Variants in DLGAP4 observed in about 807,000 individuals in gnomAD.
DLGAP4 encodes the protein disks large-associated protein 4.
A neutral mutation model predicts 86.9 loss-of-function variants in DLGAP4; 18 were observed. The ratio of observed to expected loss-of-function variants is 0.21; its 90% confidence interval spans 0.14 to 0.31. The LOEUF is 0.31. DLGAP4 is among the 10% of genes least tolerant of loss of function. The pLI, the probability that DLGAP4 is intolerant of heterozygous loss-of-function variation, is 1.00. For missense variants in DLGAP4, 1,085 were observed against 1,362.6 expected, an observed-to-expected ratio of 0.80 and a Z score of 3.21; for synonymous variants, 548 against 574.3, an observed-to-expected ratio of 0.95 and a Z score of 0.65.
intron 1 of DLGAP4, among the ~76,000 whole-genome samples, chr20:36,366,291 C>T (rs528375666): frequency 2.5e-4 from 38 of 152,058 alleles, no homozygotes; most frequent in Non-Finnish European, 4.1e-4. Context: ...AAACTCCTGA[C>T]CTGAAGTGAT....
intron 8 of DLGAP4, chr20:36,499,354 A>AACCC: frequency 1.9e-6 from 2 of 1,072,072 alleles, no homozygotes; most frequent in Non-Finnish European, 2.4e-6. Flanking sequence ...ACCCCATCCC[A>AACCC]CCTCCCGCCC....
intron 2 of DLGAP4, among the ~76,000 whole-genome samples, chr20:36,369,365 G>T (rs2030830248): frequency 6.6e-6 from 1 of 152,204 alleles, no homozygotes; most frequent in Non-Finnish European, 1.5e-5. Flanking sequence ...GGCCGAGGCA[G>T]GCGGATCATC....
At chr20:36,331,512 C>A (rs1344299091) in intron 1 of DLGAP4, among the ~76,000 whole-genome samples, 2 of 152,294 alleles carry the variant, frequency 1.3e-5, no homozygotes, top group African/African-American at 4.8e-5. Flanking sequence ...GCTGCTGGCC[C>A]CCTGCCGACC....
At chr20:36,325,354 T>G (rs2065205948) in intron 1 of DLGAP4, among the ~76,000 whole-genome samples, 1 of 152,208 alleles carries the variant, frequency 6.6e-6, no homozygotes, top group East Asian at 1.9e-4. Flanking sequence ...TAAAATGTAT[T>G]GAGACTTGTT....
chr20:36,501,240 A>G (rs1365012566), intron 10 of DLGAP4, among the ~76,000 whole-genome samples: 2 of 151,692 alleles, frequency 1.3e-5, no homozygotes, highest in African/African-American at 4.8e-5. Context: ...TGATTTTTGT[A>G]TTTTTAGTAG....
At chr20:36,376,809 C>T (rs2031173531) in intron 2 of DLGAP4, among the ~76,000 whole-genome samples, 1 of 152,174 alleles carries the variant, frequency 6.6e-6, no homozygotes, top group Non-Finnish European at 1.5e-5. Context: ...TGTGGAGCCT[C>T]AGTTTTCTCC....
chr20:36,518,326 C>T (rs1236355734), intron 10 of DLGAP4, among the ~76,000 whole-genome samples: 1 of 151,686 alleles, frequency 6.6e-6, no homozygotes, highest in Non-Finnish European at 1.5e-5. Context: ...TTACTCATTC[C>T]TAATCTTTAT....
chr20:36,460,697 G>A (rs890792287), intron 7 of DLGAP4, among the ~76,000 whole-genome samples: 1 of 152,234 alleles, frequency 6.6e-6, no homozygotes, highest in East Asian at 1.9e-4. Context: ...GTGAGGAGAG[G>A]GGACTCGCGG....
At chr20:36,454,637 A>G (rs142565337) in intron 7 of DLGAP4, among the ~76,000 whole-genome samples, 110 of 152,282 alleles carry the variant, frequency 7.2e-4, no homozygotes, top group African/African-American at 2.6e-3. Context: ...AGGAGTGAGC[A>G]ATCGGGTCCT....
rs1555889654 is a variant in DLGAP4 at position 36,308,214 on chromosome 20, TG to T, written c.-304+1705del. ...AGCTGGGACAGCGCAACTCAACTTC[TG>T]GGAGTGTGCCCGTGTGTGGTGTCCA... is the stretch of plus-strand genomic sequence containing the variant. On this transcript the variant is annotated intron_variant, in intron 1 of 12. Transcript: ENST00000339266. The surrounding 1 kb of genome is among the most constrained non-coding windows in gnomAD (Gnocchi z 4.5). Among the ~76,000 whole-genome samples, 1 of 152,176 alleles carries T rather than the reference TG, an allele frequency of 6.6e-6. No homozygotes were observed. The highest frequency in any genetic ancestry group is 1.5e-5 in the Non-Finnish European group (1 of 68,034).
intron 1 of DLGAP4, among the ~76,000 whole-genome samples, chr20:36,356,909 C>T (rs2147397039): frequency 6.6e-6 from 1 of 152,260 alleles, no homozygotes; most frequent in East Asian, 1.9e-4. Flanking sequence ...CACATCAAAC[C>T]AGCCCCAAAT....
chr20:36,448,203 C>T (rs1027803608), intron 7 of DLGAP4, among the ~76,000 whole-genome samples: 7 of 151,762 alleles, frequency 4.6e-5, no homozygotes, highest in South Asian at 2.1e-4. Flanking sequence ...ATTAAAAATT[C>T]GCTGGTCGGG....
intron 7 of DLGAP4, among the ~76,000 whole-genome samples, chr20:36,450,309 C>T (rs140810699): frequency 5.5e-4 from 84 of 152,156 alleles, no homozygotes; most frequent in African/African-American, 2.0e-3. Context: ...ACCAGCCTGG[C>T]CAACATGGCG....
At chr20:36,486,301 C>T (rs1387822713) in intron 7 of DLGAP4, among the ~76,000 whole-genome samples, 5 of 152,122 alleles carry the variant, frequency 3.3e-5, no homozygotes, top group African/African-American at 1.2e-4. Flanking sequence ...ATGACCAGTG[C>T]TTGAATGAAA....
intron 1 of DLGAP4, among the ~76,000 whole-genome samples, chr20:36,320,926 C>T (rs1212168163): frequency 6.6e-6 from 1 of 152,240 alleles, no homozygotes; most frequent in African/African-American, 2.4e-5. Flanking sequence ...CTCCTGTACC[C>T]CTTCCAGGAC....
At chr20:36,456,359 G>C (rs560329713) in intron 7 of DLGAP4, among the ~76,000 whole-genome samples, 2 of 152,248 alleles carry the variant, frequency 1.3e-5, no homozygotes, top group Non-Finnish European at 2.9e-5. Context: ...TACAAGCATG[G>C]GTAATGAAGG....
intron 2 of DLGAP4, among the ~76,000 whole-genome samples, chr20:36,403,452 C>T (rs142065425): frequency 6.6e-6 from 1 of 152,130 alleles, no homozygotes; most frequent in Non-Finnish European, 1.5e-5. Context: ...AATGCAATCC[C>T]TGCATGGCCA....
rs142490774 is a variant in DLGAP4, at chr20:36,451,496, G to A, written c.1648+4559G>A. Among the ~76,000 whole-genome samples, 623 of 150,998 alleles carry A rather than the reference G, an allele frequency of 4.1e-3. 5 individuals are homozygous for A. The highest frequency in any genetic ancestry group is 0.014 in the African/African-American group (590 of 41,148). ...CTCCCAAGTAGCTGGGAATACAGGC[G>A]TGTGCCACCATGCCTGGCTAATTTT... On this transcript the variant is annotated intron_variant, in intron 7 of 12. Transcript: ENST00000339266.
intron 1 of DLGAP4, among the ~76,000 whole-genome samples, chr20:36,322,030 T>C (rs2065173666): frequency 6.6e-6 from 1 of 151,984 alleles, no homozygotes; most frequent in Non-Finnish European, 1.5e-5. Flanking sequence ...TCCTGGCCCT[T>C]AGGGAACTCA....
Sources: allele counts gnomAD v4.1 joint callset (sites outside exome capture counted in the v4.1 genomes callset), GRCh38; gene constraint gnomAD v4.1.1; non-coding constraint Gnocchi (gnomAD v3.1); transcripts MANE v1.5; gene names NCBI Gene and HGNC (gene_info 2026-07-23, HGNC 2026-07-21).